HECW1: variants seen among roughly 807,000 people sequenced by gnomAD.
The protein encoded by HECW1 is HECT, C2 and WW domain containing E3 ubiquitin protein ligase 1, also known as E3 ubiquitin-protein ligase HECW1.
In HECW1, 61 loss-of-function variants were observed where a neutral mutation model predicts 182.3. The observed-to-expected ratio is 0.33, with a 90% CI of 0.27 to 0.41. The LOEUF (loss-of-function observed/expected upper bound fraction) is 0.41. Ranked by LOEUF, HECW1 falls within the 10% of genes least tolerant of loss-of-function variation. HECW1 has a pLI of 1.00. For missense variants in HECW1, 1,739 were observed against 2,108.9 expected, an observed-to-expected ratio of 0.82 and a Z score of 3.44; for synonymous variants, 859 against 832.6, an observed-to-expected ratio of 1.03 and a Z score of -0.55.
intron 4 of HECW1, among the ~76,000 whole-genome samples, chr7:43,312,563 G>C (rs1169882611): frequency 6.6e-6 from 1 of 152,204 alleles, no homozygotes; most frequent in Non-Finnish European, 1.5e-5. Context: ...AGGCATACAG[G>C]CATGGTGTTG....
At chr7:43,360,084 A>C (rs1454391306) in intron 5 of HECW1, among the ~76,000 whole-genome samples, 1 of 152,194 alleles carries the variant, frequency 6.6e-6, no homozygotes, top group Non-Finnish European at 1.5e-5. Flanking sequence ...ACGTCTTATG[A>C]AGTCCTATTT....
intron 9 of HECW1, among the ~76,000 whole-genome samples, chr7:43,441,203 A>G (rs1171796282): frequency 6.6e-6 from 1 of 152,204 alleles, no homozygotes; most frequent in Non-Finnish European, 1.5e-5. Context: ...TGCCTCTAGA[A>G]AGTTTTCTTT....
At chr7:43,234,010 G>A (rs577076995) in intron 2 of HECW1, among the ~76,000 whole-genome samples, 6 of 152,356 alleles carry the variant, frequency 3.9e-5, no homozygotes, top group African/African-American at 1.2e-4. Flanking sequence ...AGCGAGATGA[G>A]CAGGTGAGGA....
chr7:43,419,420 G>A (rs892203280), intron 8 of HECW1, among the ~76,000 whole-genome samples: 15 of 152,254 alleles, frequency 9.9e-5, no homozygotes, highest in Admixed American at 8.5e-4. Flanking sequence ...AGCAACAAAT[G>A]TATTTTGTAG....
At chr7:43,328,322 C>CAAACAACA (rs1409897789) in intron 5 of HECW1, among the ~76,000 whole-genome samples, 1 of 151,274 alleles carries the variant, frequency 6.6e-6, no homozygotes, top group Non-Finnish European at 1.5e-5. Flanking sequence ...AAACAAAAAA[C>CAAACAACA]AAAAAAAACA....
intron 19 of HECW1, among the ~76,000 whole-genome samples, chr7:43,498,373 A>C (rs568948936): frequency 6.6e-6 from 1 of 152,308 alleles, no homozygotes; most frequent in Admixed American, 6.5e-5. Flanking sequence ...GCTTAACCAG[A>C]TGTTGATCCC....
chr7:43,430,974 G>A lies in HECW1; in HGVS notation c.802-7029G>A, dbSNP rs577510892. Among the ~76,000 whole-genome samples the A allele has an allele frequency of 3.9e-5, 6 of 151,980 alleles. No homozygotes were observed. In the South Asian group the frequency reaches 1.2e-3, roughly 32 times the overall value. ...TTTTTGTATTTTTAGTAGAGAGGGG[G>A]TTTTCCCATGTTGGCCAGGCTGGTC... On this transcript the variant is annotated intron_variant, in intron 8 of 29. Transcript: ENST00000395891.
intron 6 of HECW1, among the ~76,000 whole-genome samples, chr7:43,365,816 G>A (rs996917956): frequency 6.6e-6 from 1 of 152,158 alleles, no homozygotes; most frequent in African/African-American, 2.4e-5. Flanking sequence ...AAGAACGGCT[G>A]GGTGCAGTGG....
At chr7:43,462,515 A>G (rs1260960134) in intron 13 of HECW1, among the ~76,000 whole-genome samples, 2 of 151,978 alleles carry the variant, frequency 1.3e-5, no homozygotes, top group East Asian at 3.9e-4. Flanking sequence ...AGAAAAGAAA[A>G]AAGAAATGCA....
rs754368378 is a variant in HECW1 at position 43,407,544 on chromosome 7, G to T, written c.632-18G>T. On this transcript the variant is annotated intron_variant, in intron 7 of 29. Coordinates refer to ENST00000395891, the MANE Select transcript of HECW1 (RefSeq NM_015052.5). ...CTCCCTAAAACATATTTAAATTAAA[G>T]TATCCTTTATTTTATAGATTTCCAA... 6.3e-7 allele frequency: 1 copy of T among 1,588,412 alleles called. No individual in the cohort carries two copies. Among genetic ancestry groups the T allele is most frequent in the Non-Finnish European group, 8.6e-7 (1 of 1,162,278 alleles).
chr7:43,518,589 A>C (rs1353622506), intron 24 of HECW1, among the ~76,000 whole-genome samples: 1 of 152,228 alleles, frequency 6.6e-6, no homozygotes, highest in African/African-American at 2.4e-5. Context: ...TGATCTTGAA[A>C]ATTAATCTTT....
At chr7:43,290,878 C>A (rs949949252) in intron 3 of HECW1, among the ~76,000 whole-genome samples, 1 of 152,150 alleles carries the variant, frequency 6.6e-6, no homozygotes, top group East Asian at 1.9e-4. Context: ...GTTCCAGGAG[C>A]AGTTTTCAGT....
At chr7:43,375,203 T>A (rs1476736765) in intron 6 of HECW1, among the ~76,000 whole-genome samples, 1 of 152,120 alleles carries the variant, frequency 6.6e-6, no homozygotes, top group Non-Finnish European at 1.5e-5. Flanking sequence ...CAGGAGAAAC[T>A]GTCGGACGCC....
intron 2 of HECW1, among the ~76,000 whole-genome samples, chr7:43,193,131 A>G (rs1794091849): frequency 6.6e-6 from 1 of 152,218 alleles, no homozygotes; most frequent in African/African-American, 2.4e-5. Flanking sequence ...GTAAACTGTC[A>G]TGATGCTGGT....
intron 2 of HECW1, among the ~76,000 whole-genome samples, chr7:43,170,401 C>T (rs890829915): frequency 2.0e-5 from 3 of 152,146 alleles, no homozygotes; most frequent in African/African-American, 4.8e-5. Context: ...GAAACAGGTC[C>T]GTGGTCCCAA....
At chr7:43,251,606 A>T (rs977485205) in intron 3 of HECW1, among the ~76,000 whole-genome samples, 2 of 152,306 alleles carry the variant, frequency 1.3e-5, no homozygotes, top group East Asian at 3.9e-4. Context: ...GTGAGCCACC[A>T]TGCCTGGCCA....
At chr7:43,338,948 C>A (rs1239600548) in intron 5 of HECW1, among the ~76,000 whole-genome samples, 1 of 152,122 alleles carries the variant, frequency 6.6e-6, no homozygotes, top group Non-Finnish European at 1.5e-5. Flanking sequence ...AGTAATTTCA[C>A]AATATATATA....
At chr7:43,360,838 C>T (rs757780423) in intron 5 of HECW1, 48 bp from the exon 6 acceptor site, 7 of 1,404,006 alleles carry the variant, frequency 5.0e-6, no homozygotes, top group African/African-American at 2.8e-5. Context: ...GCTGTCTCTC[C>T]CTGGGTTACA....
intron 2 of HECW1, chr7:43,148,968 C>T (rs911586360): frequency 2.6e-5 from 4 of 151,966 alleles, no homozygotes; most frequent in African/African-American, 9.7e-5. Context: ...AATGTAGGGA[C>T]AGTTCTTCCC....
Sources: allele counts gnomAD v4.1 joint callset (sites outside exome capture counted in the v4.1 genomes callset), GRCh38; gene constraint gnomAD v4.1.1; transcripts MANE v1.5; gene names NCBI Gene and HGNC (gene_info 2026-07-23, HGNC 2026-07-21).